Variants in ITGA1 observed in about 807,000 individuals in gnomAD.
ITGA1 encodes integrin alpha-1.
ITGA1 carries 85 observed loss-of-function variants against 145.9 expected under a neutral mutation model. The ratio of observed to expected loss-of-function variants is 0.58; its 90% CI spans 0.49 to 0.70. The LOEUF (loss-of-function observed/expected upper bound fraction) is 0.70. ITGA1 is among the 30% of genes least tolerant of loss of function. The pLI is 0.00. For missense variants in ITGA1, 1,351 were observed against 1,418.7 expected (o/e 0.95, Z 0.77); for synonymous variants, 520 against 495.3 (o/e 1.05, Z -0.66).
intron 14 of ITGA1, among the ~76,000 whole-genome samples, chr5:52,911,503 A>T (rs1438604996): frequency 7.9e-6 from 1 of 126,814 alleles, no homozygotes; most frequent in East Asian, 2.3e-4. Context: ...TATATAGTAG[A>T]TACACTATAT....
At chr5:52,804,890 C>T (rs1748560272) in intron 1 of ITGA1, among the ~76,000 whole-genome samples, 1 of 151,926 alleles carries the variant, frequency 6.6e-6, no homozygotes, top group Non-Finnish European at 1.5e-5. Context: ...AGAGATGAAC[C>T]CTTTTGCTTA....
At chr5:52,914,360 T>C (rs934017396) in intron 14 of ITGA1, among the ~76,000 whole-genome samples, 2 of 151,984 alleles carry the variant, frequency 1.3e-5, no homozygotes, top group African/African-American at 4.8e-5. Flanking sequence ...GGAGGATTGC[T>C]GGGTGCGGTG....
intron 1 of ITGA1, among the ~76,000 whole-genome samples, chr5:52,843,132 T>C (rs1401275348): frequency 6.6e-6 from 1 of 152,172 alleles, no homozygotes; most frequent in Non-Finnish European, 1.5e-5. Flanking sequence ...TTCCTGTATC[T>C]CCAGGGATCA....
At chr5:52,835,581 G>T (rs779306010) in intron 1 of ITGA1, among the ~76,000 whole-genome samples, 2 of 152,152 alleles carry the variant, frequency 1.3e-5, no homozygotes, top group Non-Finnish European at 2.9e-5. Flanking sequence ...GGTCAAATGA[G>T]CCCTCATTTT....
At chr5:52,876,918 A>T (rs1364349109) in intron 6 of ITGA1, among the ~76,000 whole-genome samples, 1 of 152,162 alleles carries the variant, frequency 6.6e-6, no homozygotes, top group Non-Finnish European at 1.5e-5. Context: ...ATCTTACAAG[A>T]TTAGCTTAGT....
intron 19 of ITGA1, among the ~76,000 whole-genome samples, chr5:52,926,705 C>T (rs991245389): frequency 5.3e-5 from 8 of 151,894 alleles, no homozygotes; most frequent in African/African-American, 1.9e-4. Context: ...AAATTATTGC[C>T]TGTATCCTCC....
At position 52,831,901 on chromosome 5, in the gene ITGA1, A is replaced by C. The variant is rs544734821; in HGVS notation, c.62-17464A>C. Among the ~76,000 whole-genome samples the C allele has an allele frequency of 1.2e-4, 19 of 152,272 alleles. No homozygotes were observed. The East Asian group carries it at 1.7e-3, about 14-fold the overall frequency. ...TCTTTTACTCTCTGTCCTTTTAAGA[A>C]TTTTAAGAGCTTTTTGGGGAAAATA... On this transcript the variant is annotated intron_variant, in intron 1 of 28. Transcript: ENST00000282588.
intron 6 of ITGA1, among the ~76,000 whole-genome samples, chr5:52,881,477 C>T (rs1749958170): frequency 6.6e-6 from 1 of 152,168 alleles, no homozygotes. Context: ...CCCATACAGT[C>T]CTTTCCACAG....
At position 52,910,381 on chromosome 5, in the gene ITGA1, C is replaced by G. The variant is rs144742981; in HGVS notation, c.1819C>G (p.His607Asp). The G allele has an allele frequency of 9.5e-5, 154 of 1,613,564 alleles. No homozygotes were observed. The highest frequency in any genetic ancestry group is 1.3e-4 in the Non-Finnish European group (150 of 1,179,806). The change falls in exon 14 of 29, where the codon CAT becomes GAT. Residue 607 changes from histidine to aspartate, a missense_variant. Transcript: ENST00000282588. ...DDHGGAVYIY[H>D]GSGKTIRKEY... ...TCACGGGGGAGCTGTGTACATTTAT[C>G]ATGGAAGTGGCAAGACTATAAGGAA...
chr5:52,922,242 A>G (rs1750741073), intron 17 of ITGA1, among the ~76,000 whole-genome samples: 1 of 152,178 alleles, frequency 6.6e-6, no homozygotes, highest in African/African-American at 2.4e-5. Flanking sequence ...TGGAGGTTGC[A>G]GTGAGCCGAG....
intron 1 of ITGA1, among the ~76,000 whole-genome samples, chr5:52,797,970 C>T (rs1748377494): frequency 6.6e-6 from 1 of 152,198 alleles, no homozygotes; most frequent in African/African-American, 2.4e-5. Context: ...ATAAATTGTA[C>T]TTAGAAAGAT....
rs375822189 is a variant in ITGA1 at position 52,915,635 on chromosome 5, C to G, written c.1988+41C>G. ...ACATCCTGTTAATCTGAGACTGGGT[C>G]ACTTGCAGAGCTCCCAGTGTGATTG... On this transcript the variant is annotated intron_variant, in intron 15 of 28. Transcript: ENST00000282588. The G allele has an allele frequency of 4.4e-6, 7 of 1,607,460 alleles. No individual in the cohort carries two copies. The African/African-American group carries it at 8.0e-5, about 18-fold the overall frequency.
At chr5:52,862,302 G>A (rs1438878134) in intron 3 of ITGA1, among the ~76,000 whole-genome samples, 1 of 151,876 alleles carries the variant, frequency 6.6e-6, no homozygotes, top group African/African-American at 2.4e-5. Context: ...TGTCAGAATG[G>A]TCGAGCGGTC....
intron 6 of ITGA1, among the ~76,000 whole-genome samples, chr5:52,880,225 T>C (rs529505490): frequency 2.6e-5 from 4 of 152,094 alleles, no homozygotes; most frequent in African/African-American, 9.6e-5. Context: ...CACTTCACTA[T>C]AGGGATTGGG....
intron 6 of ITGA1, among the ~76,000 whole-genome samples, chr5:52,875,789 G>T (rs11948124): frequency 0.28 from 43,225 of 152,000 alleles, 6,782 homozygotes; most frequent in South Asian, 0.42. Flanking sequence ...CCACCTCCAT[G>T]ATTTGTTGTC....
At chr5:52,823,806 A>G (rs961846352) in intron 1 of ITGA1, among the ~76,000 whole-genome samples, 1 of 152,228 alleles carries the variant, frequency 6.6e-6, no homozygotes, top group African/African-American at 2.4e-5. Flanking sequence ...AAGAAGGGGA[A>G]AGTGCTTTCA....
At chr5:52,870,538 G>A (rs1338279880) in intron 6 of ITGA1, among the ~76,000 whole-genome samples, 1 of 152,176 alleles carries the variant, frequency 6.6e-6, no homozygotes, top group Non-Finnish European at 1.5e-5. Flanking sequence ...TGTGTATACT[G>A]GAGTTGGGAC....
chr5:52,893,618 C>T, intron 8 of ITGA1, 57 bp from the exon 9 acceptor site: 1 of 1,480,556 alleles, frequency 6.8e-7, no homozygotes. Flanking sequence ...TGCTTGAGAT[C>T]CTTTATTTAA....
At chr5:52,848,282 C>T (rs1305952767) in intron 1 of ITGA1, among the ~76,000 whole-genome samples, 1 of 152,160 alleles carries the variant, frequency 6.6e-6, no homozygotes. Flanking sequence ...GCAAGGACAA[C>T]ATCTATTTTT....
Sources: allele counts gnomAD v4.1 joint callset (sites outside exome capture counted in the v4.1 genomes callset), GRCh38; gene constraint gnomAD v4.1.1; transcripts MANE v1.5; gene names NCBI Gene and HGNC (gene_info 2026-07-23, HGNC 2026-07-21).